The following NAV1 variants were observed in gnomAD, a reference collection of about 807,000 sequenced individuals.
NAV1 encodes neuron navigator 1.
A neutral mutation model predicts 175.2 loss-of-function variants in NAV1; 18 were observed. The ratio of observed to expected loss-of-function variants is 0.10; its 90% CI spans 0.07 to 0.15. The LOEUF (loss-of-function observed/expected upper bound fraction) is 0.15. Ranked by LOEUF, NAV1 falls within the 10% of genes least tolerant of loss-of-function variation. The pLI is 1.00. For synonymous variants in NAV1, 897 were observed against 978.7 expected, an observed-to-expected ratio of 0.92 and a Z score of 1.56; for missense variants, 1,731 against 2,436.6, an observed-to-expected ratio of 0.71 and a Z score of 6.10.
rs10624879 is a variant in NAV1, at chr1:201,779,598, C to CAAAAAAAAAAAAAAA, written c.1227-814_1227-800dup. ...GGGGCAACAGAGCAGGACTCCGTCT[C>CAAAAAAAAAAAAAAA]AAAAAAAAAAAAAAAAAAAAAAAGA... On this transcript the variant is annotated intron_variant, in intron 3 of 29. Coordinates refer to ENST00000367296, the Ensembl canonical transcript of NAV1. Among the ~76,000 whole-genome samples the CAAAAAAAAAAAAAAA allele has an allele frequency of 2.5e-3, 175 of 69,056 alleles. 6 individuals carry two copies. Among genetic ancestry groups the CAAAAAAAAAAAAAAA allele is most frequent in the African/African-American group, 9.4e-3 (120 of 12,826 alleles). 45.3% of individuals were successfully genotyped at this position (69,056 alleles called of 152,430 possible).
chr1:201,809,666 C>T, intron 22 of NAV1, 129 bp downstream of exon 26: 1 of 859,788 alleles, frequency 1.2e-6, no homozygotes, highest in Non-Finnish European at 1.8e-6. Flanking sequence ...TCACTGCAGC[C>T]TTGAACTCTT....
chr1:201,793,603 A>AT (rs1677244996), intron 13 of NAV1, 189 bp from the exon 18 acceptor site: 1 of 573,182 alleles, frequency 1.7e-6, no homozygotes, highest in African/African-American at 1.9e-5. Context: ...GCTGGTTCCC[A>AT]CCAGAAAATT....
rs55873388 is a variant in NAV1 at position 201,623,299 on chromosome 1, G to C, written c.-408G>C. The C allele has an allele frequency of 3.2e-3, 3,112 of 985,970 alleles. 7 individuals are homozygous for C. Among genetic ancestry groups the C allele is most frequent in the Non-Finnish European group, 3.4e-3 (2,846 of 829,988 alleles). 61.1% of individuals were successfully genotyped at this position (985,970 alleles called of 1,614,324 possible). ...GAAAAAAGCCCAGGAAGGGACTCCA[G>C]TCTGCCAGACCCGGGGCAGAAGCCC... On this transcript the variant is annotated 5_prime_UTR_variant, in exon 1 of 30. Transcript: ENST00000367302.
intron 3 of NAV1, chr1:201,733,331 G>C (rs1672951150): frequency 6.6e-6 from 1 of 152,026 alleles, no homozygotes; most frequent in African/African-American, 2.4e-5. Flanking sequence ...AGTGAGCCGA[G>C]ATTGAGCCAC....
At chr1:201,728,145 A>C (rs966066678) in intron 3 of NAV1, among the ~76,000 whole-genome samples, 1 of 151,938 alleles carries the variant, frequency 6.6e-6, no homozygotes, top group Non-Finnish European at 1.5e-5. Flanking sequence ...TTTTTGAGAC[A>C]GGATCTCACT....
At chr1:201,574,939 G>C (rs979028467) in intron 1 of NAV1, among the ~76,000 whole-genome samples, 1 of 152,240 alleles carries the variant, frequency 6.6e-6, no homozygotes, top group African/African-American at 2.4e-5. Context: ...AAGACAGACA[G>C]TGCCAGAGGC....
At chr1:201,748,826 C>A (rs537316248) in intron 3 of NAV1, among the ~76,000 whole-genome samples, 1 of 152,230 alleles carries the variant, frequency 6.6e-6, no homozygotes, top group African/African-American at 2.4e-5. Context: ...CTCTTAGCTA[C>A]CCCATGTCCC....
At chr1:201,661,955 A>C (rs1231569443) in intron 1 of NAV1, among the ~76,000 whole-genome samples, 1 of 152,240 alleles carries the variant, frequency 6.6e-6, no homozygotes, top group Non-Finnish European at 1.5e-5. Flanking sequence ...ACAACAACCT[A>C]GTGGGTTAGG....
At chr1:201,799,835 G>C (rs1677731012) in intron 15 of NAV1, among the ~76,000 whole-genome samples, 2 of 150,486 alleles carry the variant, frequency 1.3e-5, no homozygotes, top group Admixed American at 1.3e-4. Flanking sequence ...ACTCCAGCCT[G>C]GGCAACAAGA....
rs924887168 is a variant in NAV1 at position 201,590,677 on chromosome 1, C to T, written c.-33+2028C>T. On this transcript the variant is annotated intron_variant, in intron 2 of 33. Coordinates refer to the NAV1 transcript ENST00000685211. ...GCTGTTTGGGTGGGTGAGGCTTGCG[C>T]GCGGGGCCAGGAGTCAGAGCATCTA... 8.5e-5 allele frequency among the ~76,000 whole-genome samples: 13 copies of T among 152,272 alleles called. No homozygotes were observed. The South Asian group carries it at 1.5e-3, about 17-fold the overall frequency.
At chr1:201,815,751 T>C (rs1258445837) in intron 28 of NAV1, among the ~76,000 whole-genome samples, 1 of 152,168 alleles carries the variant, frequency 6.6e-6, no homozygotes, top group Non-Finnish European at 1.5e-5. Context: ...TTTATTTGTA[T>C]TTTTGAGACG....
At chr1:201,621,386 T>C (rs1448904199), upstream of NAV1, among the ~76,000 whole-genome samples, 3 of 146,434 alleles carry the variant, frequency 2.0e-5, no homozygotes, top group Admixed American at 7.0e-5. Flanking sequence ...CAGGCTGGAG[T>C]GCAGTGGTGC....
intron 2 of NAV1, among the ~76,000 whole-genome samples, chr1:201,608,343 G>A (rs891805427): frequency 6.6e-5 from 10 of 152,156 alleles, no homozygotes; most frequent in African/African-American, 1.7e-4. Flanking sequence ...TGATCTGCAC[G>A]GCCTGCGAGT....
At chr1:201,773,541 G>C (rs1675729998) in intron 3 of NAV1, among the ~76,000 whole-genome samples, 1 of 152,158 alleles carries the variant, frequency 6.6e-6, no homozygotes, top group African/African-American at 2.4e-5. Context: ...CAGAGCAAAG[G>C]CAGGGGAAAG....
intron 3 of NAV1, among the ~76,000 whole-genome samples, chr1:201,734,206 G>C (rs541208195): frequency 6.6e-6 from 1 of 152,050 alleles, no homozygotes; most frequent in African/African-American, 2.4e-5. Flanking sequence ...CCAGGAGTTC[G>C]AGACCAGCCT....
chr1:201,539,980 G>C lies in NAV1; in HGVS notation c.-144+638G>C, dbSNP rs1456799757. On this transcript the variant is annotated intron_variant, in intron 1 of 33. Coordinates refer to the NAV1 transcript ENST00000685211. The surrounding 1 kb of genome is among the most constrained non-coding windows in gnomAD (Gnocchi z 5.6). ...AAGTGGTCCCGGAGGAGAGGGGAGA[G>C]AGGAGAACGCAGAAATTGGGTGATC... Among the ~76,000 whole-genome samples, 1 of 152,228 alleles carries C rather than the reference G, an allele frequency of 6.6e-6. No homozygotes were observed. Among genetic ancestry groups the C allele is most frequent in the Non-Finnish European group, 1.5e-5 (1 of 68,036 alleles).
chr1:201,577,736 T>C (rs1182962815), intron 1 of NAV1, among the ~76,000 whole-genome samples: 4 of 152,168 alleles, frequency 2.6e-5, no homozygotes, highest in African/African-American at 7.2e-5. Flanking sequence ...GATTTCCCCT[T>C]TATTCCTGAA....
exon 25 of NAV1, chr1:201,811,681 C>T (rs755046149): frequency 6.2e-7 from 1 of 1,613,772 alleles, no homozygotes; most frequent in Non-Finnish European, 8.5e-7. Context: ...CCTGGTGATT[C>T]TATTGGATGA....
intron 1 of NAV1, among the ~76,000 whole-genome samples, chr1:201,706,578 C>A (rs1212443359): frequency 6.6e-6 from 1 of 152,182 alleles, no homozygotes; most frequent in Admixed American, 6.5e-5. Context: ...CCTGAAACCG[C>A]CGTGTACAAA....
Sources: gnomAD v4.1 joint callset for allele counts (sites outside exome capture counted in the v4.1 genomes callset) on GRCh38, gnomAD v4.1.1 for gene constraint, Gnocchi (gnomAD v3.1) non-coding constraint, MANE v1.5 for transcripts, NCBI Gene and HGNC (gene_info 2026-07-23, HGNC 2026-07-21) for gene names.